SOX6: variants seen among roughly 807,000 people sequenced by gnomAD.
SOX6 encodes transcription factor SOX-6.
A neutral mutation model predicts 97.8 loss-of-function variants in SOX6; 11 were observed. The ratio of observed to expected loss-of-function variants is 0.11; its 90% confidence interval spans 0.07 to 0.19. SOX6 has a LOEUF of 0.19. SOX6 is among the 10% of genes least tolerant of loss of function. The pLI is 1.00. For synonymous variants in SOX6, 360 were observed against 371.4 expected (o/e 0.97, Z 0.35); for missense variants, 810 against 1,039.5 (o/e 0.78, Z 3.04).
intron 3 of SOX6, among the ~76,000 whole-genome samples, chr11:16,689,568 G>C (rs1389789163): frequency 6.6e-6 from 1 of 152,138 alleles, no homozygotes; most frequent in African/African-American, 2.4e-5. Flanking sequence ...AAAAGCAAAA[G>C]AACCAGACAC....
At chr11:16,731,632 C>T (rs543212880) in intron 2 of SOX6, among the ~76,000 whole-genome samples, 3 of 152,260 alleles carry the variant, frequency 2.0e-5, no homozygotes, top group Non-Finnish European at 2.9e-5. Flanking sequence ...AACCCACAGC[C>T]AGTATCATAC....
intron 3 of SOX6, among the ~76,000 whole-genome samples, chr11:16,658,685 G>A (rs1847743248): frequency 6.7e-6 from 1 of 150,342 alleles, no homozygotes; most frequent in Non-Finnish European, 1.5e-5. Context: ...TCCAGCCTGG[G>A]CAACAGAGAG....
intron 1 of SOX6, among the ~76,000 whole-genome samples, chr11:16,344,849 T>C (rs1397729679): frequency 6.6e-6 from 1 of 151,932 alleles, no homozygotes; most frequent in Non-Finnish European, 1.5e-5. Context: ...TCCCTAGTTA[T>C]ACCCCCTGAA....
At chr11:16,519,349 C>T (rs1224621897) in intron 4 of SOX6, among the ~76,000 whole-genome samples, 1 of 152,106 alleles carries the variant, frequency 6.6e-6, no homozygotes, top group South Asian at 2.1e-4. Context: ...TGCCTCTCTC[C>T]AACCCTCTCC....
At chr11:16,286,336 C>T (rs1460347227) in intron 3 of SOX6, among the ~76,000 whole-genome samples, 1 of 152,086 alleles carries the variant, frequency 6.6e-6, no homozygotes, top group Admixed American at 6.6e-5. Context: ...GACTTCCCAA[C>T]AGGCAGACCT....
chr11:16,525,983 T>A (rs1271153787), intron 4 of SOX6, among the ~76,000 whole-genome samples: 22 of 152,180 alleles, frequency 1.4e-4, no homozygotes, highest in African/African-American at 4.8e-4. Context: ...GTCAGGAAAC[T>A]ACAGGTGCTG....
intron 2 of SOX6, among the ~76,000 whole-genome samples, chr11:16,720,808 T>C (rs1162403826): frequency 1.3e-5 from 2 of 152,038 alleles, no homozygotes; most frequent in Admixed American, 6.5e-5. Context: ...TATAAAAACA[T>C]AATCACAAAC....
intron 6 of SOX6, among the ~76,000 whole-genome samples, chr11:16,130,523 C>G (rs1849714664): frequency 6.6e-6 from 1 of 151,638 alleles, no homozygotes; most frequent in African/African-American, 2.4e-5. Context: ...TGGAGACATA[C>G]AACATTCATG....
At chr11:16,045,749 G>A (rs1056110756) in intron 12 of SOX6, among the ~76,000 whole-genome samples, 4 of 152,094 alleles carry the variant, frequency 2.6e-5, no homozygotes, top group African/African-American at 9.7e-5. Context: ...GGCCTGGACT[G>A]TTGCTTCATT....
intron 3 of SOX6, among the ~76,000 whole-genome samples, chr11:16,668,578 ATAAAC>A (rs1847824721): frequency 6.6e-6 from 1 of 152,322 alleles, no homozygotes; most frequent in Admixed American, 6.5e-5. Flanking sequence ...CTGAATGTAC[ATAAAC>A]TAAACTTTCC....
In SOX6 at chr11:16,324,277, A is replaced by G. The variant is rs181985421; in HGVS notation, c.238-5624T>C. 3.9e-4 allele frequency among the ~76,000 whole-genome samples: 60 copies of G among 152,278 alleles called. 1 individual carries two copies. The highest frequency in any genetic ancestry group is 3.1e-3 in the Admixed American group (47 of 15,276). On this transcript the variant is annotated intron_variant, in intron 2 of 15. Coordinates refer to ENST00000683767, the MANE Select transcript of SOX6 (RefSeq NM_001367873.1). ...ACAGGATTGCTTAAGCTAAACATTT[A>G]GAACTGAGATATTAAAACATAAGGA...
intron 3 of SOX6, among the ~76,000 whole-genome samples, chr11:16,666,043 C>A (rs1847804858): frequency 6.6e-6 from 1 of 152,146 alleles, no homozygotes; most frequent in Non-Finnish European, 1.5e-5. Context: ...AATCATAGCA[C>A]CCAAGTCCCT....
At chr11:16,071,527 C>A (rs1411839647) in intron 9 of SOX6, among the ~76,000 whole-genome samples, 2 of 150,980 alleles carry the variant, frequency 1.3e-5, no homozygotes, top group African/African-American at 4.9e-5. Context: ...GGGGACACAG[C>A]CTCCTGTTGC....
At chr11:16,622,634 A>G (rs994426572) in intron 3 of SOX6, among the ~76,000 whole-genome samples, 1 of 152,220 alleles carries the variant, frequency 6.6e-6, no homozygotes. Flanking sequence ...ATTCCATCAT[A>G]TATAAACCAC....
intron 4 of SOX6, among the ~76,000 whole-genome samples, chr11:16,524,098 A>G (rs1431307009): frequency 6.6e-6 from 1 of 152,226 alleles, no homozygotes; most frequent in Admixed American, 6.5e-5. Context: ...AATCAATAGA[A>G]AAAGAGGAAA....
At chr11:16,160,532 A>G (rs2134069141) in intron 6 of SOX6, among the ~76,000 whole-genome samples, 1 of 152,344 alleles carries the variant, frequency 6.6e-6, no homozygotes, top group South Asian at 2.1e-4. Context: ...TAAGTGTTGT[A>G]AAATTACTTT....
chr11:16,166,423 GA>G (rs1850889701), intron 6 of SOX6, among the ~76,000 whole-genome samples: 1 of 152,066 alleles, frequency 6.6e-6, no homozygotes, highest in African/African-American at 2.4e-5. Flanking sequence ...TATAATGGAA[GA>G]AAAAAATAAC....
chr11:16,483,376 T>C (rs1056821880), intron 4 of SOX6, among the ~76,000 whole-genome samples: 2 of 152,150 alleles, frequency 1.3e-5, no homozygotes, highest in African/African-American at 2.4e-5. Flanking sequence ...AAAAGCACTT[T>C]TTATTTGAGG....
At chr11:16,401,995 A>G (rs1175251381) in intron 1 of SOX6, among the ~76,000 whole-genome samples, 1 of 151,642 alleles carries the variant, frequency 6.6e-6, no homozygotes, top group Admixed American at 6.6e-5. Context: ...ACATACACAC[A>G]TCACCACCAA....
Sources: allele counts gnomAD v4.1 joint callset (sites outside exome capture counted in the v4.1 genomes callset), GRCh38; gene constraint gnomAD v4.1.1; transcripts MANE v1.5; gene names NCBI Gene and HGNC (gene_info 2026-07-23, HGNC 2026-07-21).